UTP20: variants seen among roughly 807,000 people sequenced by gnomAD.
The protein encoded by UTP20 is UTP20 small subunit processome component.
Under a neutral mutation model 329.5 loss-of-function variants are expected in UTP20, and 164 were observed. The observed-to-expected ratio is 0.50, with a 90% CI of 0.44 to 0.57. The LOEUF is 0.57. UTP20 is among the 20% of genes least tolerant of loss of function. UTP20 has a pLI of 0.00. For synonymous variants in UTP20, 1,151 were observed against 1,159.3 expected (o/e 0.99, Z 0.14); for missense variants, 3,055 against 3,284.2 (o/e 0.93, Z 1.71).
chr12:101,300,542 A>G (rs1354876750), intron 14 of UTP20, among the ~76,000 whole-genome samples: 13 of 152,146 alleles, frequency 8.5e-5, no homozygotes, highest in Admixed American at 8.5e-4. Context: ...AACTCAGCTC[A>G]GGCACAACAC....
At chr12:101,304,533 G>A (rs1294047739) in intron 15 of UTP20, among the ~76,000 whole-genome samples, 2 of 152,162 alleles carry the variant, frequency 1.3e-5, no homozygotes, top group Admixed American at 1.3e-4. Flanking sequence ...CTCTTGCCCT[G>A]CTGCTTCTAA....
chr12:101,294,607 A>G (rs1378164600), intron 11 of UTP20, among the ~76,000 whole-genome samples: 1 of 144,174 alleles, frequency 6.9e-6, no homozygotes, highest in Non-Finnish European at 1.5e-5. Flanking sequence ...TAGTGGTGCC[A>G]TCTCTGCTTA....
rs553662244 is a variant in UTP20, at chr12:101,323,694, T to C, written c.3041+2065T>C. 3.3e-5 allele frequency among the ~76,000 whole-genome samples: 5 copies of C among 152,308 alleles called. No homozygotes were observed. The South Asian group carries it at 1.0e-3, about 32-fold the overall frequency. On this transcript the variant is annotated intron_variant, in intron 25 of 61. Coordinates refer to ENST00000261637, the MANE Select transcript of UTP20 (RefSeq NM_014503.3). ...TAAAACCAGGTAAATAATATTCCTCTCTGTTTTCTTCTCATTCTGTTTGTT... is the reference window on the plus strand; with the variant it reads ...TAAAACCAGGTAAATAATATTCCTCCCTGTTTTCTTCTCATTCTGTTTGTT...
intron 24 of UTP20, 80 bp from the exon 25 acceptor site, chr12:101,321,424 C>A (rs55721648): frequency 0.21 from 328,404 of 1,568,962 alleles, 36,282 homozygotes; most frequent in East Asian, 0.38. Context: ...AGTTATTACT[C>A]TGTGTACATA....
chr12:101,306,371 T>A (rs1271516074), intron 16 of UTP20, among the ~76,000 whole-genome samples: 2 of 152,104 alleles, frequency 1.3e-5, no homozygotes, highest in African/African-American at 2.4e-5. Context: ...CATTTAGGTA[T>A]GCGGAAATAC....
chr12:101,301,414 T>C (rs1376720612), intron 14 of UTP20, among the ~76,000 whole-genome samples: 1 of 152,138 alleles, frequency 6.6e-6, no homozygotes, highest in African/African-American at 2.4e-5. Flanking sequence ...ATGCCGGTAA[T>C]CCCAGCACTT....
intron 38 of UTP20, among the ~76,000 whole-genome samples, chr12:101,350,712 C>G (rs1281126465): frequency 6.6e-6 from 1 of 152,168 alleles, no homozygotes; most frequent in Admixed American, 6.5e-5. Flanking sequence ...TAGCATGAGG[C>G]ATTTCACTCT....
intron 40 of UTP20, among the ~76,000 whole-genome samples, chr12:101,353,986 A>G (rs1007629256): frequency 6.6e-6 from 1 of 152,124 alleles, no homozygotes; most frequent in Non-Finnish European, 1.5e-5. Flanking sequence ...AGGCTGGGGC[A>G]CGGTGGCTCA....
intron 24 of UTP20, 65 bp from the exon 25 acceptor site, chr12:101,321,439 A>C: frequency 6.3e-7 from 1 of 1,594,710 alleles, no homozygotes; most frequent in Non-Finnish European, 8.5e-7. Context: ...TACATATTTC[A>C]CTCTTTCATT....
At chr12:101,339,353 A>G (rs956550855) in intron 31 of UTP20, among the ~76,000 whole-genome samples, 3 of 152,088 alleles carry the variant, frequency 2.0e-5, no homozygotes, top group Admixed American at 6.5e-5. Context: ...AAAAATTATT[A>G]TCTTGTTTTT....
At chr12:101,360,821 T>G (rs144451055) in intron 43 of UTP20, among the ~76,000 whole-genome samples, 4 of 152,212 alleles carry the variant, frequency 2.6e-5, no homozygotes, top group Non-Finnish European at 5.9e-5. Flanking sequence ...AGAGCAAGAC[T>G]CTGCCTCCAA....
Position 101,346,504 on chromosome 12 carries a change from C to CAAAG in UTP20, c.4801_4804dup (p.Val1602GlufsTer7). The CAAAG allele has an allele frequency of 6.2e-7, 1 of 1,609,530 alleles. No homozygotes were observed. The highest frequency in any genetic ancestry group is 8.5e-7 in the Non-Finnish European group (1 of 1,178,214). On this transcript the variant is annotated frameshift_variant, in exon 38 of 62. Transcript: ENST00000261637. LOFTEE classifies it high-confidence loss of function. ...AACTTGCAAAACAACTAATGGAAGG[C>CAAAG]AAAGTTGTTCTGTCTTCTAAATCTC...
chr12:101,293,866 G>A (rs947824043), intron 11 of UTP20, among the ~76,000 whole-genome samples: 3 of 151,540 alleles, frequency 2.0e-5, no homozygotes, highest in Admixed American at 6.6e-5. Context: ...CCTTTCTCCC[G>A]TGTTCCCTTT....
intron 51 of UTP20, among the ~76,000 whole-genome samples, chr12:101,372,526 G>A (rs1870327193): frequency 6.6e-6 from 1 of 152,212 alleles, no homozygotes; most frequent in African/African-American, 2.4e-5. Context: ...TGTTGAAGGG[G>A]AGATACCAGA....
chr12:101,311,988 T>C, intron 20 of UTP20, 48 bp from the exon 21 acceptor site: 1 of 1,611,132 alleles, frequency 6.2e-7, no homozygotes, highest in Non-Finnish European at 8.5e-7. Context: ...ACACTTAAGA[T>C]AAATGTTGAT....
chr12:101,363,432 A>T, intron 44 of UTP20, 144 bp from the exon 45 acceptor site: 1 of 668,690 alleles, frequency 1.5e-6, no homozygotes, highest in Admixed American at 3.3e-5. Flanking sequence ...TGCATTCTAA[A>T]AGAAATTTCT....
At position 101,355,117 on chromosome 12, in the gene UTP20, C is replaced by T. The variant is rs776588186; in HGVS notation, c.5393C>T (p.Thr1798Met). The change falls in exon 41 of 62, where the codon ACG (threonine) becomes ATG (methionine). Residue 1798 changes from threonine to methionine, a missense_variant and splice_region_variant. Around this residue, in one of 3 missense-constraint regions of UTP20, gnomAD observed 2,445 missense variants for 2,575.5 expected, o/e 0.95. Transcript: ENST00000261637. Reference protein sequence around the residue: ...LPRLHKCLASTTKREEEHKLV... With the variant: ...LPRLHKCLASMTKREEEHKLV... ...AGGCTACATAAATGCCTTGCATCTA[C>T]GGTAATAAATTTATTCGGGGTCCAG... is the stretch of plus-strand genomic sequence containing the variant. 1.3e-5 allele frequency: 21 copies of T among 1,611,576 alleles called. No individual in the cohort carries two copies. Among genetic ancestry groups the T allele is most frequent in the Admixed American group, 1.2e-4 (7 of 59,720 alleles).
At position 101,346,525 on chromosome 12, in the gene UTP20, A is replaced by T; in HGVS notation, c.4821A>T (p.Lys1607Asn). ...LMEGKVVLSS[K>N]SLQNYIMPYA... ...AAGGCAAAGTTGTTCTGTCTTCTAA[A>T]TCTCTTCAGAATTACATCATGCCTT... Residue 1607 changes from lysine (K) to asparagine (N), a missense_variant, in exon 38 of 62, where the codon AAA (lysine) becomes AAT (asparagine). Physicochemically the swap from Lys to Asn is moderately conservative, Grantham distance 94. Coordinates refer to ENST00000261637, the MANE Select transcript of UTP20 (RefSeq NM_014503.3). The T allele has an allele frequency of 6.2e-7, 1 of 1,610,702 alleles. No homozygotes were observed. The highest frequency in any genetic ancestry group is 8.5e-7 in the Non-Finnish European group (1 of 1,178,656).
intron 38 of UTP20, among the ~76,000 whole-genome samples, chr12:101,349,113 T>A (rs1236816085): frequency 1.3e-5 from 2 of 152,162 alleles, no homozygotes; most frequent in African/African-American, 4.8e-5. Context: ...AATGAGAAGT[T>A]ATTCTTAACT....
Sources: gnomAD v4.1 joint callset for allele counts (sites outside exome capture counted in the v4.1 genomes callset) on GRCh38, gnomAD v4.1.1 for gene constraint, gnomAD v4.1.1 regional missense constraint, MANE v1.5 for transcripts, NCBI Gene and HGNC (gene_info 2026-07-23, HGNC 2026-07-21) for gene names.